The following LRMDA variants were observed in gnomAD, a reference collection of about 807,000 sequenced individuals.
LRMDA encodes the protein leucine-rich melanocyte differentiation-associated protein.
In LRMDA, 18 loss-of-function variants were observed where a neutral mutation model predicts 29.8. That is an observed-to-expected ratio of 0.60 (90% CI 0.42 to 0.90). The LOEUF is 0.90. Ranked by LOEUF, LRMDA falls within the 40% of genes least tolerant of loss-of-function variation. The pLI is 0.00. For missense variants in LRMDA, 273 were observed against 273.9 expected (o/e 1.00, Z 0.02); for synonymous variants, 125 against 109.4 (o/e 1.14, Z -0.89).
chr10:76,228,117 G>A (rs1183966033), intron 5 of LRMDA, among the ~76,000 whole-genome samples: 1 of 151,738 alleles, frequency 6.6e-6, no homozygotes, highest in Non-Finnish European at 1.5e-5. Context: ...CGCCTCCCGG[G>A]TTCAAGTGAT....
At chr10:75,805,210 T>G (rs1385381614) in intron 2 of LRMDA, among the ~76,000 whole-genome samples, 1 of 152,190 alleles carries the variant, frequency 6.6e-6, no homozygotes, top group Non-Finnish European at 1.5e-5. Context: ...GGGGTTCCTT[T>G]TAGCCCTAAA....
At chr10:76,537,084 CATT>C (rs1006136707) in intron 6 of LRMDA, among the ~76,000 whole-genome samples, 9 of 152,144 alleles carry the variant, frequency 5.9e-5, no homozygotes, top group Admixed American at 4.6e-4. Flanking sequence ...TTACTATCAT[CATT>C]ATTTCCGATA....
intron 2 of LRMDA, among the ~76,000 whole-genome samples, chr10:75,584,804 G>A (rs748943326): frequency 4.6e-5 from 7 of 152,146 alleles, no homozygotes; most frequent in Non-Finnish European, 7.4e-5. Context: ...AGGCGATAAT[G>A]AGATTAGTGC....
intron 2 of LRMDA, among the ~76,000 whole-genome samples, chr10:75,511,193 T>G (rs1845221970): frequency 6.6e-6 from 1 of 151,836 alleles, no homozygotes. Context: ...AAATTAGCCA[T>G]GTGTGGTGGT....
intron 2 of LRMDA, among the ~76,000 whole-genome samples, chr10:75,819,656 T>C (rs1325344980): frequency 6.6e-6 from 1 of 152,144 alleles, no homozygotes; most frequent in East Asian, 1.9e-4. Flanking sequence ...TTGGCAGTTG[T>C]GGTTCTGGTG....
chr10:76,532,731 A>G (rs1261820563), intron 6 of LRMDA, among the ~76,000 whole-genome samples: 1 of 152,226 alleles, frequency 6.6e-6, no homozygotes, highest in Non-Finnish European at 1.5e-5. Flanking sequence ...GAGTCTTGTC[A>G]TGTGAATCAT....
intron 2 of LRMDA, among the ~76,000 whole-genome samples, chr10:75,876,758 G>A (rs1403475597): frequency 6.6e-6 from 1 of 152,124 alleles, no homozygotes; most frequent in African/African-American, 2.4e-5. Context: ...TTCCCAGGGG[G>A]CCTCATGACA....
At chr10:75,750,000 A>T (rs188899775) in intron 2 of LRMDA, among the ~76,000 whole-genome samples, 159 of 152,366 alleles carry the variant, frequency 1.0e-3, no homozygotes, top group African/African-American at 3.4e-3. Flanking sequence ...TTAGTACAGA[A>T]CAAAATGGAG....
chr10:75,989,119 G>A (rs533030139), intron 2 of LRMDA, among the ~76,000 whole-genome samples: 10 of 152,288 alleles, frequency 6.6e-5, no homozygotes, highest in East Asian at 1.9e-4. Flanking sequence ...GGTCCCATCC[G>A]TTGTAGTCAT....
Position 76,132,966 on chromosome 10 carries a change from C to CTTTTTTTTTTT in LRMDA, c.516+74201_516+74211dup, listed in dbSNP as rs35997711. On this transcript the variant is annotated intron_variant, in intron 5 of 6. Transcript: ENST00000611255. ...TACAGGCATCCACCACCACGCCCGGCTTTTTTTTTTTTTTTTTTTTTTTTT... is the reference window on the plus strand; with the variant it reads ...TACAGGCATCCACCACCACGCCCGGCTTTTTTTTTTTTTTTTTTTTTTTTTTTTTTTTTTTT... 8.7e-4 allele frequency among the ~76,000 whole-genome samples: 50 copies of CTTTTTTTTTTT among 57,384 alleles called. 2 individuals are homozygous for CTTTTTTTTTTT. Among genetic ancestry groups the CTTTTTTTTTTT allele is most frequent in the Non-Finnish European group, 1.5e-3 (47 of 31,958 alleles). 37.6% of individuals were successfully genotyped at this position (57,384 alleles called of 152,430 possible).
intron 2 of LRMDA, among the ~76,000 whole-genome samples, chr10:75,860,890 A>G (rs1844917908): frequency 6.6e-6 from 1 of 152,154 alleles, no homozygotes; most frequent in African/African-American, 2.4e-5. Flanking sequence ...CCACTTATTG[A>G]ACATGGGGTT....
At chr10:76,061,725 A>G (rs1176417786) in intron 5 of LRMDA, among the ~76,000 whole-genome samples, 2 of 152,174 alleles carry the variant, frequency 1.3e-5, no homozygotes, top group African/African-American at 2.4e-5. Flanking sequence ...AATTGGGACC[A>G]GAACCCCTGG....
chr10:75,951,024 G>T (rs1846565155), intron 2 of LRMDA, among the ~76,000 whole-genome samples: 1 of 152,172 alleles, frequency 6.6e-6, no homozygotes, highest in Admixed American at 6.5e-5. Context: ...TTCACTCTCA[G>T]TGAGGCCCAA....
intron 5 of LRMDA, among the ~76,000 whole-genome samples, chr10:76,073,539 G>C (rs901968182): frequency 6.6e-6 from 1 of 152,084 alleles, no homozygotes; most frequent in African/African-American, 2.4e-5. Flanking sequence ...AATACTGCTA[G>C]TTGTATGTAT....
chr10:76,327,346 C>T, intron 6 of LRMDA, among the ~76,000 whole-genome samples: 1 of 152,164 alleles, frequency 6.6e-6, no homozygotes, highest in East Asian at 1.9e-4. Flanking sequence ...CTGCCTCGGC[C>T]TCCCAAAGTG....
chr10:75,446,300 T>C (rs1283446887), intron 2 of LRMDA, among the ~76,000 whole-genome samples: 1 of 152,222 alleles, frequency 6.6e-6, no homozygotes, highest in East Asian at 1.9e-4. Context: ...TTGAGTGCTG[T>C]GTGTAATGTG....
chr10:76,345,069 T>G (rs1430530251), intron 6 of LRMDA, among the ~76,000 whole-genome samples: 1 of 131,612 alleles, frequency 7.6e-6, no homozygotes, highest in Admixed American at 7.4e-5. Context: ...CCTTTTTTTT[T>G]TTTTTTTTTT....
chr10:76,143,506 G>A (rs1279144449), intron 5 of LRMDA, among the ~76,000 whole-genome samples: 2 of 152,028 alleles, frequency 1.3e-5, no homozygotes, highest in African/African-American at 2.4e-5. Flanking sequence ...AGAAGTGTCT[G>A]TTCATATCCT....
chr10:76,050,194 G>A (rs1848507020), intron 4 of LRMDA, among the ~76,000 whole-genome samples: 1 of 152,158 alleles, frequency 6.6e-6, no homozygotes, highest in African/African-American at 2.4e-5. Flanking sequence ...AGGTCACATT[G>A]TGGCCAACCA....
Sources: gnomAD v4.1 joint callset for allele counts (sites outside exome capture counted in the v4.1 genomes callset) on GRCh38, gnomAD v4.1.1 for gene constraint, MANE v1.5 for transcripts, NCBI Gene and HGNC (gene_info 2026-07-23, HGNC 2026-07-21) for gene names.